Variants in CIT observed in about 807,000 individuals in gnomAD.
CIT encodes the protein citron Rho-interacting kinase.
A neutral mutation model predicts 272.7 loss-of-function variants in CIT; 79 were observed. That is an observed-to-expected ratio of 0.29 (90% CI 0.24 to 0.35). CIT has a LOEUF of 0.35. CIT is among the 10% of genes least tolerant of loss of function. The pLI is 1.00. For missense variants in CIT, 1,909 were observed against 2,618.3 expected (o/e 0.73, Z 5.91); for synonymous variants, 948 against 995.6 (o/e 0.95, Z 0.90).
In CIT at chr12:119,803,235, G is replaced by C; in HGVS notation, c.1266C>G (p.Ser422Arg). The C allele has an allele frequency of 2.5e-6, 4 of 1,588,634 alleles. No homozygotes were observed. Among genetic ancestry groups the C allele is most frequent in the Non-Finnish European group, 3.4e-6 (4 of 1,170,424 alleles). Residue 422 changes from serine (S) to arginine (R), a missense_variant, in exon 10 of 48, where the codon AGC becomes AGG. Physicochemically the swap from Ser to Arg is moderately radical, Grantham distance 110 (BLOSUM62 -1). Transcript: ENST00000392521. ...EELPFVGFSY[S>R]KALGILGRSE... ...ATCTACCAAGAATCCCCAGTGCCTT[G>C]CTGTACGAAAACCCCACAAACGGCA...
At chr12:119,850,017 T>C (rs567020537) in intron 5 of CIT, among the ~76,000 whole-genome samples, 157 bp downstream of exon 5, 79 of 152,326 alleles carry the variant, frequency 5.2e-4, no homozygotes, top group African/African-American at 1.9e-3. Context: ...GGTTAGCTCT[T>C]GATCTTTATA....
chr12:119,710,322 T>C lies in CIT; in HGVS notation c.5000A>G (p.His1667Arg). 1.2e-6 allele frequency: 2 copies of C among 1,614,142 alleles called. No individual in the cohort carries two copies. The highest frequency in any genetic ancestry group is 1.7e-6 in the Non-Finnish European group (2 of 1,180,016). The part of the protein sequence containing the change: ...ALNVLKNSLT[H>R]VPGIGAVFQI... ...GAAGACTGCTCCAATTCCTGGGACA[T>C]GGGTTAGGGAGTTTTTCAAGACATT... Residue 1667 changes from histidine to arginine, a missense_variant, in exon 39 of 48, where the codon CAT (histidine) becomes CGT (arginine). By Grantham distance (29) the His-to-Arg change is conservative (BLOSUM62 0). This residue lies in a region of CIT where 780 missense variants were observed against 1,067.2 expected (regional missense o/e 0.73). Coordinates refer to ENST00000392521, the MANE Select transcript of CIT (RefSeq NM_001206999.2). This position sits in a 1 kb window ranked among gnomAD's most constrained non-coding sequence, Gnocchi z 5.6.
intron 33 of CIT, 55 bp downstream of exon 33, chr12:119,714,142 T>C: frequency 6.3e-7 from 1 of 1,598,742 alleles, no homozygotes; most frequent in South Asian, 1.1e-5. Flanking sequence ...CTGATAGACT[T>C]TTTAAGCTGG....
chr12:119,848,321 T>TC (rs1270287148), intron 5 of CIT, among the ~76,000 whole-genome samples: 1 of 152,178 alleles, frequency 6.6e-6, no homozygotes, highest in South Asian at 2.1e-4. Flanking sequence ...AGCAGCAAAT[T>TC]CCCCAAAAAC....
At chr12:119,810,129 T>A (rs1430371353) in intron 9 of CIT, among the ~76,000 whole-genome samples, 1 of 152,200 alleles carries the variant, frequency 6.6e-6, no homozygotes, top group African/African-American at 2.4e-5. Flanking sequence ...TTGAAGCCAG[T>A]CAGCGAGAAG....
intron 4 of CIT, among the ~76,000 whole-genome samples, chr12:119,853,793 C>A (rs1970392183): frequency 6.6e-6 from 1 of 152,146 alleles, no homozygotes. Flanking sequence ...CAGTCTACAC[C>A]TTTGCTTGCT....
chr12:119,746,173 T>C (rs1959367759), intron 23 of CIT, among the ~76,000 whole-genome samples: 1 of 152,184 alleles, frequency 6.6e-6, no homozygotes, highest in Non-Finnish European at 1.5e-5. Flanking sequence ...AGAGAAAGAA[T>C]AAGGCCCTTA....
In CIT at chr12:119,713,770, T is replaced by G; in HGVS notation, c.4307-122A>C. The G allele has an allele frequency of 9.7e-7, 1 of 1,028,794 alleles. No homozygotes were observed. Among genetic ancestry groups the G allele is most frequent in the South Asian group, 1.4e-5 (1 of 69,824 alleles). 63.7% of individuals were successfully genotyped at this position (1,028,794 alleles called of 1,614,324 possible). A position where few individuals can be genotyped will look rare whatever the true frequency, so the allele number is the denominator to read the frequency against. The stretch of plus-strand genomic sequence containing the variant: ...CGGGCCCAGAGAGTCTGGCCCTGGC[T>G]TGCAGGTAGTCTCCTGAGCTTCCCC... On this transcript the variant is annotated intron_variant, in intron 33 of 47. Transcript: ENST00000392521. This position sits in a 1 kb window ranked among gnomAD's most constrained non-coding sequence, Gnocchi z 5.2.
intron 10 of CIT, among the ~76,000 whole-genome samples, chr12:119,798,572 C>T (rs1304466915): frequency 6.6e-6 from 1 of 152,192 alleles, no homozygotes; most frequent in Non-Finnish European, 1.5e-5. Context: ...GCACCCTGCC[C>T]ACCTGAAATT....
At chr12:119,796,337 A>T (rs203342) in intron 10 of CIT, among the ~76,000 whole-genome samples, 35,661 of 152,092 alleles carry the variant, frequency 0.23, 4,573 homozygotes, top group East Asian at 0.46. Flanking sequence ...ACTGCACCAG[A>T]CCAAGCAAGA....
At chr12:119,836,357 T>C (rs1404466723) in intron 5 of CIT, among the ~76,000 whole-genome samples, 1 of 124,402 alleles carries the variant, frequency 8.0e-6, no homozygotes, top group Admixed American at 8.3e-5. Flanking sequence ...GCACCTAACA[T>C]ACACACCTTC....
Position 119,721,407 on chromosome 12 carries a change from T to C in CIT, c.3634A>G (p.Ile1212Val). ...TGCAGTCCTTGAGTCAGACGGAAAA[T>C]GTGATTTTTCTGCAGGTCCATCTGC... is the stretch of plus-strand genomic sequence containing the variant. ...QQQMDLQKNH[I>V]FRLTQGLQEA... The change falls in exon 29 of 48, where the codon ATT (isoleucine) becomes GTT (valine). Residue 1212 changes from isoleucine to valine, a missense_variant. Ile to Val is a conservative substitution (Grantham distance 29). Around this residue, in one of 8 missense-constraint regions of CIT, gnomAD observed 530 missense variants for 822.4 expected, o/e 0.64. Coordinates refer to ENST00000392521, the MANE Select transcript of CIT (RefSeq NM_001206999.2). 1.9e-6 allele frequency: 3 copies of C among 1,610,916 alleles called. No individual in the cohort carries two copies. Among genetic ancestry groups the C allele is most frequent in the Non-Finnish European group, 2.5e-6 (3 of 1,177,474 alleles).
chr12:119,773,751 G>T (rs1473302899), intron 16 of CIT, among the ~76,000 whole-genome samples: 1 of 152,076 alleles, frequency 6.6e-6, no homozygotes, highest in Non-Finnish European at 1.5e-5. Context: ...TTTAAATGTG[G>T]CTACTAGAAA....
intron 17 of CIT, among the ~76,000 whole-genome samples, chr12:119,771,293 G>A (rs925689654): frequency 6.6e-6 from 1 of 152,194 alleles, no homozygotes; most frequent in African/African-American, 2.4e-5. Flanking sequence ...GGAGGTTGCA[G>A]GCAGGAAAGA....
chr12:119,775,832 G>T lies in CIT; in HGVS notation c.1895C>A (p.Ala632Asp). ...CTCCTGAATTTTGAGCTGCTGCTCAGCATTGATCTATAATTAAAATCCCAG... is the reference window on the plus strand; with the variant it reads ...CTCCTGAATTTTGAGCTGCTGCTCATCATTGATCTATAATTAAAATCCCAG... ...GEYAKLEKIN[A>D]EQQLKIQELQ... Residue 632 changes from alanine (A) to aspartate (D), a missense_variant, in exon 16 of 48, where the codon GCT (alanine) becomes GAT (aspartate). Around this residue, in one of 8 missense-constraint regions of CIT, gnomAD observed 530 missense variants for 822.4 expected, o/e 0.64. Transcript: ENST00000392521. The T allele has an allele frequency of 1.2e-6, 2 of 1,612,610 alleles. No homozygotes were observed. The highest frequency in any genetic ancestry group is 1.7e-6 in the Non-Finnish European group (2 of 1,179,028).
intron 16 of CIT, 55 bp from the exon 17 acceptor site, chr12:119,772,965 A>G (rs1208358449): frequency 1.1e-5 from 17 of 1,520,020 alleles, no homozygotes; most frequent in Non-Finnish European, 1.5e-5. Flanking sequence ...ATATAAAAAG[A>G]TGGTGACAGT....
At chr12:119,871,982 A>G (rs1389598382) in intron 2 of CIT, among the ~76,000 whole-genome samples, 1 of 152,246 alleles carries the variant, frequency 6.6e-6, no homozygotes, top group African/African-American at 2.4e-5. Flanking sequence ...ATTCTTCAAG[A>G]GTTTAGATCA....
intron 9 of CIT, among the ~76,000 whole-genome samples, chr12:119,814,570 G>C (rs1012068194): frequency 6.6e-6 from 1 of 152,104 alleles, no homozygotes; most frequent in Admixed American, 6.5e-5. Flanking sequence ...TGAAGTAAGT[G>C]AGTGTCCAAA....
At chr12:119,757,640 G>T in intron 21 of CIT, 95 bp from the exon 22 acceptor site, 1 of 1,471,320 alleles carries the variant, frequency 6.8e-7, no homozygotes. Flanking sequence ...AGTTAGACAT[G>T]TCTCCTCACT....
Sources: allele counts gnomAD v4.1 joint callset (sites outside exome capture counted in the v4.1 genomes callset), GRCh38; gene constraint gnomAD v4.1.1; regional missense constraint gnomAD v4.1.1; non-coding constraint Gnocchi (gnomAD v3.1); transcripts MANE v1.5; gene names NCBI Gene and HGNC (gene_info 2026-07-23, HGNC 2026-07-21).